Variants in HERC2 observed in about 807,000 individuals in gnomAD.
HERC2 encodes E3 ubiquitin-protein ligase HERC2.
In HERC2, 102 loss-of-function variants were observed where a neutral mutation model predicts 537.7. The ratio of observed to expected loss-of-function variants is 0.19; its 90% CI spans 0.16 to 0.22. The LOEUF (loss-of-function observed/expected upper bound fraction) is 0.22, where lower values mean the gene tolerates loss of function less well. Among genes scored for constraint, HERC2 ranks in the 10% least tolerant of loss-of-function variants. The pLI is 1.00. For synonymous variants in HERC2, 2,224 were observed against 2,466.2 expected (o/e 0.90, Z 2.91); for missense variants, 4,236 against 6,198.2 (o/e 0.68, Z 10.63).
At chr15:28,175,451 A>G (rs925475479) in intron 64 of HERC2, 61 bp downstream of exon 64, 51 of 1,487,352 alleles carry the variant, frequency 3.4e-5, no homozygotes, top group Middle Eastern at 1.8e-4. Flanking sequence ...AGGCCGTGTC[A>G]TGACCCCCAC....
intron 20 of HERC2, among the ~76,000 whole-genome samples, 196 bp from the exon 21 acceptor site, chr15:28,248,932 C>T (rs1321274643): frequency 6.6e-6 from 1 of 152,164 alleles, no homozygotes; most frequent in Non-Finnish European, 1.5e-5. Context: ...CAGAAGGGCA[C>T]GGAAGGCTCA....
chr15:28,179,776 T>C (rs1895650872), intron 57 of HERC2, among the ~76,000 whole-genome samples: 2 of 152,202 alleles, frequency 1.3e-5, no homozygotes, highest in Non-Finnish European at 2.9e-5. Context: ...GTTTGGGTCT[T>C]AGTTTTTAAC....
chr15:28,216,953 T>A (rs1899977071), intron 38 of HERC2, among the ~76,000 whole-genome samples: 1 of 152,106 alleles, frequency 6.6e-6, no homozygotes, highest in African/African-American at 2.4e-5. Flanking sequence ...CACTTTGCAC[T>A]CACACCTATA....
chr15:28,175,257 T>C (rs1331542229), intron 64 of HERC2, among the ~76,000 whole-genome samples: 1 of 152,048 alleles, frequency 6.6e-6, no homozygotes. Context: ...ATAACAGTCT[T>C]TCCACACACT....
rs569849638 is a variant in HERC2, at chr15:28,182,850, C to T, written c.8826-338G>A. ...AATCATTCCAAGCCATGGAAACAGACGCACAGCTGCTACAAATGGCACTGT... is the reference window on the plus strand; with the variant it reads ...AATCATTCCAAGCCATGGAAACAGATGCACAGCTGCTACAAATGGCACTGT... On this transcript the variant is annotated intron_variant, in intron 56 of 92. Transcript: ENST00000261609. Among the ~76,000 whole-genome samples, 12 of 152,310 alleles carry T rather than the reference C, an allele frequency of 7.9e-5. 1 individual carries two copies. The South Asian group carries it at 8.3e-4, about 11-fold the overall frequency.
At chr15:28,293,671 C>T (rs2076384444) in intron 3 of HERC2, among the ~76,000 whole-genome samples, 1 of 152,060 alleles carries the variant, frequency 6.6e-6, no homozygotes, top group African/African-American at 2.4e-5. Context: ...CTTGTGTATC[C>T]ATGGGAAAAG....
At chr15:28,174,032 T>C (rs1180377725) in intron 65 of HERC2, among the ~76,000 whole-genome samples, 1 of 151,880 alleles carries the variant, frequency 6.6e-6, no homozygotes, top group African/African-American at 2.4e-5. Flanking sequence ...ATGCATACTT[T>C]AAATAGGTGC....
intron 17 of HERC2, 67 bp downstream of exon 17, chr15:28,256,993 AC>A: frequency 7.3e-7 from 1 of 1,372,442 alleles, no homozygotes; most frequent in Non-Finnish European, 1.0e-6. Flanking sequence ...CCTTCAAAAT[AC>A]ATAAACCTTC....
intron 2 of HERC2, among the ~76,000 whole-genome samples, chr15:28,314,754 C>T (rs573417737): frequency 2.0e-4 from 30 of 151,872 alleles, no homozygotes; most frequent in African/African-American, 5.8e-4. Context: ...CCAGCTACTC[C>T]GGAGTCTGAG....
At chr15:28,262,865 C>A in intron 15 of HERC2, 53 bp downstream of exon 15, 1 of 1,553,348 alleles carries the variant, frequency 6.4e-7, no homozygotes, top group South Asian at 1.2e-5. Flanking sequence ...AACTTTAAAA[C>A]ATTACTAAAG....
chr15:28,121,974 A>G (rs940818798), intron 85 of HERC2, among the ~76,000 whole-genome samples: 31 of 143,640 alleles, frequency 2.2e-4, no homozygotes, highest in Admixed American at 6.2e-4. Flanking sequence ...TGCCTGCCAT[A>G]CAGCAGCCAC....
chr15:28,197,705 G>A (rs1319715511), intron 50 of HERC2, among the ~76,000 whole-genome samples: 1 of 152,116 alleles, frequency 6.6e-6, no homozygotes, highest in African/African-American at 2.4e-5. Context: ...GAGTCAAGAT[G>A]GCGCCACTGC....
chr15:28,236,990 G>A lies in HERC2; in HGVS notation c.3976C>T (p.Leu1326=). 6.2e-7 allele frequency: 1 copy of A among 1,611,956 alleles called. No individual in the cohort carries two copies. The highest frequency in any genetic ancestry group is 8.5e-7 in the Non-Finnish European group (1 of 1,179,798). The change falls in exon 26 of 93, where the codon CTG becomes TTG. Residue 1326 remains leucine (L), a synonymous_variant. Transcript: ENST00000261609. ...HASYLAMSTP[L]SPVEIECAKW... is the part of the protein sequence containing the mutation. The stretch of plus-strand genomic sequence containing the variant: ...GCACATTCAATCTCGACAGGAGACA[G>A]CGGTGTGCTCATTGCCAAATACGAA...
At chr15:28,209,449 T>C (rs539194063) in intron 44 of HERC2, among the ~76,000 whole-genome samples, 1 of 152,162 alleles carries the variant, frequency 6.6e-6, no homozygotes, top group Admixed American at 6.5e-5. Flanking sequence ...GTTCACACCA[T>C]TCTCCTGCCT....
chr15:28,246,665 TGA>T, intron 22 of HERC2, 75 bp downstream of exon 22: 1 of 1,270,214 alleles, frequency 7.9e-7, no homozygotes, highest in Admixed American at 2.8e-5. Flanking sequence ...GCAGGCATGC[TGA>T]TCAGCAAAGA....
chr15:28,249,980 G>C (rs566336124), intron 20 of HERC2, among the ~76,000 whole-genome samples: 3 of 152,072 alleles, frequency 2.0e-5, no homozygotes, highest in Admixed American at 6.6e-5. Flanking sequence ...TTATGTCAAT[G>C]TGAAAGCAAA....
intron 65 of HERC2, among the ~76,000 whole-genome samples, chr15:28,172,029 T>C (rs971867420): frequency 2.0e-5 from 3 of 148,436 alleles, no homozygotes; most frequent in Admixed American, 1.4e-4. Context: ...GAGCCGAGAT[T>C]GCGCCACTGC....
chr15:28,156,982 C>T (rs1364225618), intron 69 of HERC2, among the ~76,000 whole-genome samples: 1 of 152,124 alleles, frequency 6.6e-6, no homozygotes, highest in Non-Finnish European at 1.5e-5. Flanking sequence ...TGTCAAAGGC[C>T]TTTTCTGCAT....
intron 86 of HERC2, 109 bp downstream of exon 86, chr15:28,121,237 T>G: frequency 1.1e-6 from 1 of 904,970 alleles, no homozygotes. Flanking sequence ...CTCTTTAAAG[T>G]TGGGGTGCAC....
Sources: allele counts gnomAD v4.1 joint callset (sites outside exome capture counted in the v4.1 genomes callset), GRCh38; gene constraint gnomAD v4.1.1; transcripts MANE v1.5; gene names NCBI Gene and HGNC (gene_info 2026-07-23, HGNC 2026-07-21).